SHANK2: variants seen among roughly 807,000 people sequenced by gnomAD.
SHANK2 encodes the protein SH3 and multiple ankyrin repeat domains protein 2.
A neutral mutation model predicts 133.7 loss-of-function variants in SHANK2; 43 were observed. That is an observed-to-expected ratio of 0.32 (90% CI 0.25 to 0.41). The LOEUF is 0.41. Among genes scored for constraint, SHANK2 ranks in the 10% least tolerant of loss-of-function variants. The probability of loss-of-function intolerance (pLI) is 1.00; values close to 1 mark genes in which losing one functional copy is unlikely to be tolerated. For synonymous variants in SHANK2, 1,017 were observed against 952.8 expected, an observed-to-expected ratio of 1.07 and a Z score of -1.24; for missense variants, 1,994 against 2,235.8, an observed-to-expected ratio of 0.89 and a Z score of 2.18.
intron 17 of SHANK2, among the ~76,000 whole-genome samples, chr11:70,598,835 T>C (rs1398135088): frequency 1.3e-5 from 2 of 151,808 alleles, no homozygotes; most frequent in African/African-American, 4.8e-5. Flanking sequence ...AAAAAAGGAC[T>C]TGAGGAAATT....
intron 9 of SHANK2, among the ~76,000 whole-genome samples, chr11:71,061,915 C>T (rs965261129): frequency 6.6e-5 from 10 of 152,076 alleles, no homozygotes; most frequent in African/African-American, 1.7e-4. Flanking sequence ...CAAAATTTCC[C>T]GTCAAATCAC....
chr11:71,244,686 C>A (rs781830773), intron 1 of SHANK2, among the ~76,000 whole-genome samples: 1 of 152,166 alleles, frequency 6.6e-6, no homozygotes, highest in Non-Finnish European at 1.5e-5. Flanking sequence ...TTAAACAATG[C>A]CACTCTTCTC....
chr11:70,710,257 G>A (rs797025726), intron 14 of SHANK2, among the ~76,000 whole-genome samples: 10 of 152,274 alleles, frequency 6.6e-5, no homozygotes, highest in African/African-American at 1.7e-4. Context: ...TCTTCACAAC[G>A]GCCTAAGAGC....
At chr11:71,075,043 GCT>G (rs1163780136) in intron 9 of SHANK2, 114 bp downstream of exon 9, 7,094 of 154,972 alleles carry the variant, frequency 0.046, 532 homozygotes, top group African/African-American at 0.16. Flanking sequence ...CTCCCAAAGT[GCT>G]GGGATTACAG....
chr11:70,885,541 G>T (rs562085711), intron 11 of SHANK2, among the ~76,000 whole-genome samples: 8 of 152,336 alleles, frequency 5.3e-5, no homozygotes, highest in Middle Eastern at 3.4e-3. Flanking sequence ...GGGACAGGCC[G>T]CAGGGCGGGC....
chr11:71,101,852 C>T (rs1185531584), intron 6 of SHANK2, among the ~76,000 whole-genome samples: 1 of 152,112 alleles, frequency 6.6e-6, no homozygotes, highest in Admixed American at 6.6e-5. Flanking sequence ...AAGGGGAAGC[C>T]GGAGTTGGGG....
At position 70,487,117 on chromosome 11, in the gene SHANK2, G is replaced by A. The variant is rs1379772239; in HGVS notation, c.3176C>T (p.Ala1059Val). The A allele has an allele frequency of 6.2e-7, 1 of 1,611,584 alleles. No individual in the cohort carries two copies. Among genetic ancestry groups the A allele is most frequent in the Non-Finnish European group, 8.5e-7 (1 of 1,180,018 alleles). Residue 1059 changes from alanine to valine, a missense_variant, in exon 25 of 26, where the codon GCC (alanine) becomes GTC (valine). By Grantham distance (64) the Ala-to-Val change is moderately conservative (BLOSUM62 0). Transcript: ENST00000601538. The surrounding 1 kb of genome is among the most constrained non-coding windows in gnomAD (Gnocchi z 5.8). ...CCGCAGCTGGCTCGGTGGCTCCGGGGCCTGGGGGTCGATCTCCATGCTGCT... is the reference window on the plus strand; with the variant it reads ...CCGCAGCTGGCTCGGTGGCTCCGGGACCTGGGGGTCGATCTCCATGCTGCT... ...QGSSMEIDPQAPEPPSQLRPD... is the reference protein window; with the variant it reads ...QGSSMEIDPQVPEPPSQLRPD...
intron 17 of SHANK2, among the ~76,000 whole-genome samples, chr11:70,645,604 G>C (rs2061249109): frequency 6.6e-6 from 1 of 152,200 alleles, no homozygotes; most frequent in African/African-American, 2.4e-5. Flanking sequence ...AGGTTCAGCT[G>C]CTATATTTAC....
At chr11:70,742,043 A>G (rs1413239615) in intron 14 of SHANK2, among the ~76,000 whole-genome samples, 1 of 152,210 alleles carries the variant, frequency 6.6e-6, no homozygotes, top group Admixed American at 6.5e-5. Flanking sequence ...CCTCATCTGT[A>G]AAATGGAGTA....
intron 17 of SHANK2, among the ~76,000 whole-genome samples, chr11:70,540,896 C>A (rs549804902): frequency 6.6e-6 from 1 of 150,384 alleles, no homozygotes; most frequent in South Asian, 2.1e-4. Flanking sequence ...AACCTGTTAG[C>A]GCAGAATTCA....
intron 17 of SHANK2, among the ~76,000 whole-genome samples, chr11:70,630,380 C>T (rs180947034): frequency 7.9e-5 from 12 of 152,290 alleles, no homozygotes; most frequent in African/African-American, 1.2e-4. Flanking sequence ...CAGGCAGAGG[C>T]GGGGCCAGGA....
intron 2 of SHANK2, among the ~76,000 whole-genome samples, chr11:71,167,181 T>C (rs1555111060): frequency 6.6e-6 from 1 of 151,998 alleles, no homozygotes; most frequent in Non-Finnish European, 1.5e-5. Context: ...GTCTCCCACG[T>C]CTACCTCTTT....
chr11:70,690,670 CATAAATATAAATATAAAT>C (rs60007949), intron 15 of SHANK2, among the ~76,000 whole-genome samples: 25 of 130,160 alleles, frequency 1.9e-4, no homozygotes, highest in Middle Eastern at 3.8e-3. Flanking sequence ...ACTTAGAACC[CATAAATATAAATATAAAT>C]ATAAATATAA....
At chr11:71,178,855 C>G (rs567869767) in intron 2 of SHANK2, among the ~76,000 whole-genome samples, 126 of 152,120 alleles carry the variant, frequency 8.3e-4, no homozygotes, top group Non-Finnish European at 1.4e-3. Flanking sequence ...TGGTGGTGCA[C>G]GCCTGTAATC....
chr11:70,597,814 G>A lies in SHANK2; in HGVS notation c.2061+62014C>T, dbSNP rs527879313. 7.9e-5 allele frequency among the ~76,000 whole-genome samples: 12 copies of A among 152,234 alleles called. No individual in the cohort carries two copies. The East Asian group carries it at 2.3e-3, about 30-fold the overall frequency. ...CTTGAACCCAGGAAGCGGAGGTTGC[G>A]GTGAGCTGAGATCGCACCACTGCAC... On this transcript the variant is annotated intron_variant, in intron 17 of 25. Coordinates refer to ENST00000601538, the MANE Select transcript of SHANK2 (RefSeq NM_012309.5).
chr11:71,097,864 CTATGTGCATGCCT>C (rs1951646814), intron 6 of SHANK2, among the ~76,000 whole-genome samples: 1 of 152,216 alleles, frequency 6.6e-6, no homozygotes, highest in Non-Finnish European at 1.5e-5. Context: ...GTGTGCACAC[CTATGTGCATGCCT>C]GTGTGCCTGT....
intron 14 of SHANK2, among the ~76,000 whole-genome samples, chr11:70,746,951 C>A (rs3016182): frequency 2.4e-4 from 30 of 127,540 alleles, no homozygotes; most frequent in African/African-American, 9.4e-4. Flanking sequence ...ACCCCTCCAC[C>A]CCCCTCCCTC....
rs373873904 is a variant in SHANK2 at position 70,485,283 on chromosome 11, C to T, written c.4979+31G>A. On this transcript the variant is annotated intron_variant, in intron 25 of 25. Transcript: ENST00000601538. The surrounding 1 kb of genome is among the most constrained non-coding windows in gnomAD (Gnocchi z 5.8). ...GTCAGCAGGGACAGTGCACGCAGAGCGGTGTGCATGTGCACCAACCGCGGA... is the reference window on the plus strand; with the variant it reads ...GTCAGCAGGGACAGTGCACGCAGAGTGGTGTGCATGTGCACCAACCGCGGA... 119 of 1,571,986 alleles carry T rather than the reference C, an allele frequency of 7.6e-5. No homozygotes were observed. Among genetic ancestry groups the T allele is most frequent in the Non-Finnish European group, 8.9e-5 (102 of 1,144,008 alleles).
intron 10 of SHANK2, among the ~76,000 whole-genome samples, chr11:70,936,108 T>C (rs1555083414): frequency 1.3e-5 from 2 of 152,238 alleles, no homozygotes; most frequent in African/African-American, 4.8e-5. Context: ...ACACCATTCC[T>C]TAAATGCCAG....
Sources: gnomAD v4.1 joint callset for allele counts (sites outside exome capture counted in the v4.1 genomes callset) on GRCh38, gnomAD v4.1.1 for gene constraint, Gnocchi (gnomAD v3.1) non-coding constraint, MANE v1.5 for transcripts, NCBI Gene and HGNC (gene_info 2026-07-23, HGNC 2026-07-21) for gene names.